GPC5: variants seen among roughly 807,000 people sequenced by gnomAD.
The protein encoded by GPC5 is glypican-5.
GPC5 carries 47 observed loss-of-function variants against 53.9 expected under a neutral mutation model. The ratio of observed to expected loss-of-function variants is 0.87; its 90% CI spans 0.69 to 1.11. GPC5 has a LOEUF of 1.11. GPC5 is among the 50% of genes most tolerant of loss of function. GPC5 has a pLI of 0.00. For missense variants in GPC5, 748 were observed against 713.1 expected (o/e 1.05, Z -0.56); for synonymous variants, 286 against 263.3 (o/e 1.09, Z -0.84).
intron 5 of GPC5, among the ~76,000 whole-genome samples, chr13:91,757,815 T>A (rs141108046): frequency 2.1e-4 from 32 of 152,200 alleles, no homozygotes; most frequent in African/African-American, 7.7e-4. Context: ...TGCAGATAGG[T>A]GGTTTAGTTA....
intron 7 of GPC5, among the ~76,000 whole-genome samples, chr13:92,702,481 G>C (rs1236338836): frequency 6.6e-6 from 1 of 151,718 alleles, no homozygotes; most frequent in South Asian, 2.1e-4. Flanking sequence ...TGATATTCTG[G>C]CCAAAAATCT....
At chr13:92,593,930 T>C (rs1883789782) in intron 7 of GPC5, among the ~76,000 whole-genome samples, 1 of 152,112 alleles carries the variant, frequency 6.6e-6, no homozygotes. Context: ...CCCCATCCTC[T>C]CAAAGCACCA....
intron 7 of GPC5, among the ~76,000 whole-genome samples, chr13:92,481,695 G>A (rs1163654151): frequency 6.6e-6 from 1 of 152,020 alleles, no homozygotes; most frequent in Non-Finnish European, 1.5e-5. Flanking sequence ...CTGAGATGGG[G>A]GATCATTTCC....
intron 7 of GPC5, among the ~76,000 whole-genome samples, chr13:92,636,709 C>A (rs192812103): frequency 4.6e-5 from 7 of 152,142 alleles, no homozygotes; most frequent in Non-Finnish European, 8.8e-5. Flanking sequence ...GAAGGTACTG[C>A]ATCTTATTTA....
At chr13:92,441,585 A>G (rs1301892246) in intron 7 of GPC5, among the ~76,000 whole-genome samples, 2 of 152,194 alleles carry the variant, frequency 1.3e-5, no homozygotes, top group East Asian at 1.9e-4. Context: ...CCCAGTTACA[A>G]TAGCCACAAA....
chr13:91,946,835 C>G (rs111682419), intron 6 of GPC5, among the ~76,000 whole-genome samples: 3,142 of 152,018 alleles, frequency 0.021, 96 homozygotes, highest in African/African-American at 0.072. Context: ...GTACCTTAGG[C>G]CATAGGATAT....
intron 7 of GPC5, among the ~76,000 whole-genome samples, chr13:92,433,370 A>G (rs1363052679): frequency 6.6e-6 from 1 of 152,208 alleles, no homozygotes; most frequent in Non-Finnish European, 1.5e-5. Context: ...GTTATCACCT[A>G]TGAGTGGAAC....
intron 2 of GPC5, among the ~76,000 whole-genome samples, chr13:91,653,955 T>C (rs2034783357): frequency 6.6e-6 from 1 of 152,170 alleles, no homozygotes; most frequent in South Asian, 2.1e-4. Context: ...CTCGTGTCCC[T>C]TTGTCATTCT....
chr13:92,106,487 C>T (rs140731223), intron 6 of GPC5, among the ~76,000 whole-genome samples: 79 of 152,054 alleles, frequency 5.2e-4, no homozygotes, highest in African/African-American at 1.8e-3. Context: ...ACTTTTCACT[C>T]ACGAAACATG....
At chr13:91,472,920 T>A (rs934150599) in intron 2 of GPC5, among the ~76,000 whole-genome samples, 3 of 152,144 alleles carry the variant, frequency 2.0e-5, no homozygotes, top group Non-Finnish European at 4.4e-5. Context: ...TACAGAGATG[T>A]AGGTCTGAAT....
At chr13:91,958,307 T>C (rs2040093389) in intron 6 of GPC5, among the ~76,000 whole-genome samples, 2 of 150,488 alleles carry the variant, frequency 1.3e-5, no homozygotes, top group African/African-American at 4.9e-5. Flanking sequence ...TATATAATGA[T>C]AAAGGGATCA....
chr13:92,801,585 C>T (rs1258515239), intron 7 of GPC5, among the ~76,000 whole-genome samples: 1 of 151,314 alleles, frequency 6.6e-6, no homozygotes, highest in Non-Finnish European at 1.5e-5. Context: ...AGGAGTTATT[C>T]CAGAAGAGGG....
intron 7 of GPC5, among the ~76,000 whole-genome samples, chr13:92,540,942 T>C (rs1881912442): frequency 6.6e-6 from 1 of 151,888 alleles, no homozygotes; most frequent in South Asian, 2.1e-4. Flanking sequence ...CAGGGAATAC[T>C]AGCTGGTTCT....
intron 5 of GPC5, among the ~76,000 whole-genome samples, chr13:91,770,850 A>T (rs947197210): frequency 3.9e-5 from 6 of 152,102 alleles, no homozygotes; most frequent in African/African-American, 1.4e-4. Context: ...ATCTTATTTC[A>T]AATTGGCCAA....
chr13:91,482,338 C>A (rs1360387325), intron 2 of GPC5, among the ~76,000 whole-genome samples: 1 of 152,164 alleles, frequency 6.6e-6, no homozygotes, highest in Non-Finnish European at 1.5e-5. Flanking sequence ...CCTTTCCGGG[C>A]ACCAACCTAC....
intron 2 of GPC5, among the ~76,000 whole-genome samples, chr13:91,510,510 T>C (rs1028584672): frequency 2.0e-5 from 3 of 152,224 alleles, no homozygotes; most frequent in African/African-American, 7.2e-5. Flanking sequence ...TTTATAGATA[T>C]ATAATTTCTG....
intron 5 of GPC5, among the ~76,000 whole-genome samples, chr13:91,783,503 G>A (rs1594559828): frequency 6.6e-6 from 1 of 151,982 alleles, no homozygotes; most frequent in African/African-American, 2.4e-5. Flanking sequence ...GAACAACCTC[G>A]GCTAACTGCA....
At chr13:91,987,435 G>A (rs2040418976) in intron 6 of GPC5, among the ~76,000 whole-genome samples, 1 of 152,180 alleles carries the variant, frequency 6.6e-6, no homozygotes, top group Non-Finnish European at 1.5e-5. Context: ...AACTCAGGCT[G>A]ATTGGACAAC....
chr13:92,855,363 A>T (rs943225134), intron 7 of GPC5, among the ~76,000 whole-genome samples: 1 of 152,088 alleles, frequency 6.6e-6, no homozygotes, highest in African/African-American at 2.4e-5. Flanking sequence ...TGAATATAAC[A>T]TAAAGTTAAT....
Sources: gnomAD v4.1 joint callset for allele counts (sites outside exome capture counted in the v4.1 genomes callset) on GRCh38, gnomAD v4.1.1 for gene constraint, MANE v1.5 for transcripts, NCBI Gene and HGNC (gene_info 2026-07-23, HGNC 2026-07-21) for gene names.